The following PTK7 variants were observed in gnomAD, a reference collection of about 807,000 sequenced individuals.
The protein encoded by PTK7 is inactive tyrosine-protein kinase 7.
Under a neutral mutation model 116.6 loss-of-function variants are expected in PTK7, and 39 were observed. That is an observed-to-expected ratio of 0.33 (90% CI 0.26 to 0.44). PTK7 has a LOEUF of 0.44. Among genes scored for constraint, PTK7 ranks in the 20% least tolerant of loss-of-function variants. The pLI, the probability that PTK7 is intolerant of heterozygous loss-of-function variation, is 1.00. For synonymous variants in PTK7, 546 were observed against 563.6 expected (o/e 0.97, Z 0.44); for missense variants, 1,169 against 1,425.6 (o/e 0.82, Z 2.90).
intron 17 of PTK7, among the ~76,000 whole-genome samples, chr6:43,149,810 A>C (rs116334190): frequency 2.4e-3 from 369 of 152,076 alleles, no homozygotes; most frequent in African/African-American, 8.2e-3. Flanking sequence ...TCCTCTTTTT[A>C]TTTATTTTTA....
chr6:43,131,824 C>G (rs1313169845), intron 5 of PTK7, 192 bp from the exon 6 acceptor site: 1 of 704,292 alleles, frequency 1.4e-6, no homozygotes, highest in Non-Finnish European at 2.4e-6. Flanking sequence ...GGAACACACA[C>G]CTGCACGTGC....
chr6:43,131,813 T>G (rs2150433069), intron 5 of PTK7: 2 of 655,004 alleles, frequency 3.1e-6, no homozygotes, highest in East Asian at 5.6e-5. Flanking sequence ...CTCCTGTAGT[T>G]GGAACACACA....
At chr6:43,080,187 C>A (rs553150139) in intron 1 of PTK7, among the ~76,000 whole-genome samples, 35 of 151,698 alleles carry the variant, frequency 2.3e-4, no homozygotes, top group African/African-American at 7.7e-4. Flanking sequence ...CCCATCTCTA[C>A]TAAAAATACA....
At position 43,139,059 on chromosome 6, in the gene PTK7, C is replaced by G; in HGVS notation, c.1362+77C>G. On this transcript the variant is annotated intron_variant, in intron 8 of 19. Transcript: ENST00000230419. The surrounding 1 kb of genome is among the most constrained non-coding windows in gnomAD (Gnocchi z 4.6). ...CCCTCTTCTGTGCTCACCTCCATAG[C>G]ACTCTTACCCTGGAGGCAGCCTCCA... 6.2e-7 allele frequency: 1 copy of G among 1,608,812 alleles called. No homozygotes were observed. Among genetic ancestry groups the G allele is most frequent in the Non-Finnish European group, 8.5e-7 (1 of 1,176,628 alleles).
At chr6:43,125,173 CA>C (rs1475545829) in intron 1 of PTK7, among the ~76,000 whole-genome samples, 3 of 151,570 alleles carry the variant, frequency 2.0e-5, no homozygotes, top group Non-Finnish European at 4.4e-5. Flanking sequence ...AACTCTGTCT[CA>C]AAAAACAAAA....
At chr6:43,147,282 G>A (rs1263531850) in intron 17 of PTK7, among the ~76,000 whole-genome samples, 1 of 152,200 alleles carries the variant, frequency 6.6e-6, no homozygotes, top group Non-Finnish European at 1.5e-5. Flanking sequence ...CCTGGCTGGG[G>A]CCCCTGTGGT....
At chr6:43,103,140 C>A (rs912012821) in intron 1 of PTK7, among the ~76,000 whole-genome samples, 9 of 152,196 alleles carry the variant, frequency 5.9e-5, no homozygotes, top group African/African-American at 2.2e-4. Context: ...ACAACAGGAA[C>A]ATTTATCCAT....
At chr6:43,105,608 A>G (rs1267089967) in intron 1 of PTK7, among the ~76,000 whole-genome samples, 2 of 152,228 alleles carry the variant, frequency 1.3e-5, no homozygotes, top group South Asian at 4.1e-4. Context: ...GGTAAGATCA[A>G]TTCATTAAGG....
chr6:43,082,285 C>T (rs1053202617), intron 1 of PTK7, among the ~76,000 whole-genome samples: 9 of 152,176 alleles, frequency 5.9e-5, no homozygotes, highest in Admixed American at 5.2e-4. Context: ...AAGCGATTCT[C>T]CTGCCTCAGC....
At chr6:43,116,125 A>G (rs144238924) in intron 1 of PTK7, among the ~76,000 whole-genome samples, 87 of 152,160 alleles carry the variant, frequency 5.7e-4, no homozygotes, top group African/African-American at 2.0e-3. Context: ...CTAGTCTTAT[A>G]GGCCTGAGTG....
chr6:43,138,315 A>G (rs961472623), intron 7 of PTK7, among the ~76,000 whole-genome samples: 1 of 151,946 alleles, frequency 6.6e-6, no homozygotes, highest in Non-Finnish European at 1.5e-5. Context: ...CCTGCCTACC[A>G]TAGGGGCTTA....
At chr6:43,153,616 G>A (rs1771255278) in intron 17 of PTK7, among the ~76,000 whole-genome samples, 1 of 152,058 alleles carries the variant, frequency 6.6e-6, no homozygotes, top group Admixed American at 6.6e-5. Flanking sequence ...TCACTATGTT[G>A]CCCAGGCTGG....
In PTK7 at chr6:43,132,488, C is replaced by A; in HGVS notation, c.1029C>A (p.Cys343Ter). ...FTAGSEERVTCLPPKGLPEPS... is the reference protein window; with the variant it reads ...FTAGSEERVT Reference sequence around the variant, plus strand: ...CTGGCAGCGAGGAGCGTGTGACCTGCCTTCCCCCCAAGGGTCTGCCAGAGC... The same window carrying A: ...CTGGCAGCGAGGAGCGTGTGACCTGACTTCCCCCCAAGGGTCTGCCAGAGC... The change falls in exon 7 of 20, where the codon TGC becomes TGA. Residue 343 changes from cysteine to a stop codon, truncating the protein, a stop_gained. Transcript: ENST00000230419. LOFTEE classifies it high-confidence loss of function. 6.2e-7 allele frequency: 1 copy of A among 1,604,762 alleles called. No individual in the cohort carries two copies. The highest frequency in any genetic ancestry group is 8.5e-7 in the Non-Finnish European group (1 of 1,172,748).
intron 14 of PTK7, 192 bp from the exon 15 acceptor site, chr6:43,144,259 C>G (rs961936447): frequency 1.5e-6 from 1 of 647,098 alleles, no homozygotes; most frequent in African/African-American, 1.8e-5. Context: ...GGGTCATACC[C>G]TAGGGGATAG....
intron 17 of PTK7, among the ~76,000 whole-genome samples, chr6:43,157,377 T>TTTC (rs1771560050): frequency 8.6e-5 from 6 of 69,722 alleles, no homozygotes; most frequent in African/African-American, 4.1e-4. Context: ...TTTTTTTTTC[T>TTTC]TTTTTTTTTT....
intron 1 of PTK7, among the ~76,000 whole-genome samples, chr6:43,123,565 A>G (rs1769089373): frequency 7.5e-6 from 1 of 132,868 alleles, no homozygotes; most frequent in Non-Finnish European, 1.6e-5. Flanking sequence ...GAGCCCAGAG[A>G]GCAACACGGA....
chr6:43,098,090 G>A (rs912741330), intron 1 of PTK7, among the ~76,000 whole-genome samples: 8 of 152,136 alleles, frequency 5.3e-5, no homozygotes, highest in African/African-American at 1.9e-4. Context: ...AGGGGGTGAG[G>A]GTCTAGTGAG....
intron 7 of PTK7, chr6:43,132,915 C>A: frequency 1.6e-6 from 1 of 631,900 alleles, no homozygotes. Context: ...GAAAAATGGT[C>A]CTCTGGGTAC....
At chr6:43,125,490 T>C (rs888303163) in intron 1 of PTK7, among the ~76,000 whole-genome samples, 36 of 152,146 alleles carry the variant, frequency 2.4e-4, no homozygotes, top group Non-Finnish European at 5.1e-4. Flanking sequence ...TGGCAGGTGG[T>C]CTGTGGTTCC....
Sources: gnomAD v4.1 joint callset for allele counts (sites outside exome capture counted in the v4.1 genomes callset) on GRCh38, gnomAD v4.1.1 for gene constraint, Gnocchi (gnomAD v3.1) non-coding constraint, MANE v1.5 for transcripts, NCBI Gene and HGNC (gene_info 2026-07-23, HGNC 2026-07-21) for gene names.